Variants in KLHL1 observed in about 807,000 individuals in gnomAD.
The protein encoded by KLHL1 is kelch-like protein 1.
Under a neutral mutation model 77.7 loss-of-function variants are expected in KLHL1, and 47 were observed. The ratio of observed to expected loss-of-function variants is 0.60; its 90% CI spans 0.48 to 0.77. KLHL1 has a LOEUF of 0.77. Among genes scored for constraint, KLHL1 ranks in the 30% least tolerant of loss-of-function variants. KLHL1 has a pLI of 0.00. For synonymous variants in KLHL1, 360 were observed against 325.2 expected, an observed-to-expected ratio of 1.11 and a Z score of -1.15; for missense variants, 925 against 910.8, an observed-to-expected ratio of 1.02 and a Z score of -0.20.
Position 70,107,336 on chromosome 13 carries a change from C to T in KLHL1, c.364G>A (p.Val122Met), listed in dbSNP as rs150140694. Residue 122 changes from valine to methionine, a missense_variant, in exon 1 of 11, where the codon GTG becomes ATG. Physicochemically the swap from Val to Met is conservative, Grantham distance 21. Coordinates refer to ENST00000377844, the MANE Select transcript of KLHL1 (RefSeq NM_020866.3). ...TQQPARTLFY[V>M]ESLEEEVVPG... Reference sequence around the variant, plus strand: ...ACCACCTCCTCCTCTAGTGACTCCACGTAGAAGAGAGTCCTGGCTGGCTGC... The same window carrying T: ...ACCACCTCCTCCTCTAGTGACTCCATGTAGAAGAGAGTCCTGGCTGGCTGC... The T allele has an allele frequency of 4.3e-6, 7 of 1,613,906 alleles. No individual in the cohort carries two copies. The African/African-American group carries it at 6.7e-5, about 15-fold the overall frequency.
At chr13:69,884,517 A>T (rs1018984883) in intron 4 of KLHL1, among the ~76,000 whole-genome samples, 1 of 152,090 alleles carries the variant, frequency 6.6e-6, no homozygotes, top group Non-Finnish European at 1.5e-5. Flanking sequence ...GTTACTAAAA[A>T]ATCTATGCCT....
At chr13:69,996,992 A>T (rs568739264) in intron 1 of KLHL1, among the ~76,000 whole-genome samples, 21 of 126,104 alleles carry the variant, frequency 1.7e-4, no homozygotes, top group Non-Finnish European at 2.3e-4. Context: ...AGGCAAAGGT[A>T]GGTGGATCAC....
intron 7 of KLHL1, among the ~76,000 whole-genome samples, chr13:69,773,122 ATTTGT>A (rs1407620489): frequency 6.6e-6 from 1 of 150,998 alleles, no homozygotes; most frequent in Non-Finnish European, 1.5e-5. Flanking sequence ...TAATGGAAGC[ATTTGT>A]TTTATTTTTG....
At chr13:69,722,531 C>T (rs1873112157) in intron 8 of KLHL1, among the ~76,000 whole-genome samples, 1 of 151,540 alleles carries the variant, frequency 6.6e-6, no homozygotes. Context: ...ATTCCAGGAG[C>T]AAACAGATAT....
At chr13:69,920,008 T>C (rs542713120) in intron 4 of KLHL1, among the ~76,000 whole-genome samples, 2 of 152,240 alleles carry the variant, frequency 1.3e-5, no homozygotes, top group South Asian at 4.1e-4. Context: ...TTAAAGAACA[T>C]ATATGTAAAA....
At chr13:70,080,432 C>T (rs1387378231) in intron 1 of KLHL1, among the ~76,000 whole-genome samples, 1 of 152,100 alleles carries the variant, frequency 6.6e-6, no homozygotes, top group East Asian at 1.9e-4. Flanking sequence ...TCTATATCTA[C>T]CAGATAAACC....
intron 1 of KLHL1, among the ~76,000 whole-genome samples, chr13:70,051,121 G>A (rs762388640): frequency 4.6e-5 from 7 of 152,004 alleles, no homozygotes; most frequent in Non-Finnish European, 1.0e-4. Flanking sequence ...GGGGTGCAAA[G>A]TTAGATTACT....
chr13:69,880,268 C>A (rs2138192264), intron 5 of KLHL1, among the ~76,000 whole-genome samples: 1 of 152,208 alleles, frequency 6.6e-6, no homozygotes, highest in East Asian at 1.9e-4. Context: ...ATGTAATATG[C>A]TTATAATGAC....
At chr13:69,876,144 G>C (rs904104203) in intron 5 of KLHL1, among the ~76,000 whole-genome samples, 3 of 152,112 alleles carry the variant, frequency 2.0e-5, no homozygotes, top group African/African-American at 4.8e-5. Flanking sequence ...ACTTATCAAG[G>C]AGTAGTTTGG....
chr13:69,797,013 C>A (rs1877137440), intron 6 of KLHL1, 51 bp from the exon 7 acceptor site: 1 of 1,451,658 alleles, frequency 6.9e-7, no homozygotes, highest in Admixed American at 1.7e-5. Flanking sequence ...ATTCAACAAA[C>A]AGCCTGCCAA....
intron 1 of KLHL1, among the ~76,000 whole-genome samples, chr13:70,036,349 A>G (rs1490425087): frequency 6.6e-6 from 1 of 152,036 alleles, no homozygotes; most frequent in Non-Finnish European, 1.5e-5. Context: ...ATTCATGTTC[A>G]TATATGAAGA....
At chr13:70,106,187 A>G (rs946308280) in intron 1 of KLHL1, among the ~76,000 whole-genome samples, 1 of 151,814 alleles carries the variant, frequency 6.6e-6, no homozygotes, top group Non-Finnish European at 1.5e-5. Flanking sequence ...AAGACTAAAA[A>G]AGATGCTTCT....
intron 8 of KLHL1, among the ~76,000 whole-genome samples, chr13:69,720,388 C>A (rs1200676639): frequency 6.6e-6 from 1 of 152,052 alleles, no homozygotes; most frequent in Non-Finnish European, 1.5e-5. Flanking sequence ...CATTTGCTCA[C>A]TACATATTTT....
At chr13:69,807,350 G>T (rs1276046350) in intron 6 of KLHL1, among the ~76,000 whole-genome samples, 3 of 152,024 alleles carry the variant, frequency 2.0e-5, no homozygotes, top group African/African-American at 7.2e-5. Flanking sequence ...AGCAGCTGCT[G>T]CCTAGCCAAG....
At chr13:69,870,647 T>C (rs1297301616) in intron 5 of KLHL1, among the ~76,000 whole-genome samples, 3 of 151,950 alleles carry the variant, frequency 2.0e-5, no homozygotes, top group African/African-American at 7.2e-5. Context: ...ATATATATAT[T>C]ATTTATTTCC....
chr13:70,064,517 A>T (rs1445491999), intron 1 of KLHL1, among the ~76,000 whole-genome samples: 1 of 152,144 alleles, frequency 6.6e-6, no homozygotes, highest in Non-Finnish European at 1.5e-5. Flanking sequence ...CTGCTGCTTC[A>T]CGTTAGCTCC....
intron 5 of KLHL1, among the ~76,000 whole-genome samples, chr13:69,875,656 G>T (rs1322218622): frequency 6.6e-6 from 1 of 152,036 alleles, no homozygotes; most frequent in Non-Finnish European, 1.5e-5. Flanking sequence ...CTGACTTAAA[G>T]CTTGCTAACA....
At chr13:69,935,181 T>C (rs553470302) in intron 4 of KLHL1, among the ~76,000 whole-genome samples, 35 of 86,230 alleles carry the variant, frequency 4.1e-4, no homozygotes, top group African/African-American at 1.4e-3. Context: ...CTGTGCCACC[T>C]ACTGGTGAAC....
intron 8 of KLHL1, among the ~76,000 whole-genome samples, chr13:69,729,273 G>C (rs1247455775): frequency 6.6e-6 from 1 of 151,996 alleles, no homozygotes. Flanking sequence ...CACTAAATTT[G>C]TTATATGAAA....
Sources: gnomAD v4.1 joint callset for allele counts (sites outside exome capture counted in the v4.1 genomes callset) on GRCh38, gnomAD v4.1.1 for gene constraint, MANE v1.5 for transcripts, NCBI Gene and HGNC (gene_info 2026-07-23, HGNC 2026-07-21) for gene names.